Variants in PAFAH1B1 observed in about 807,000 individuals in gnomAD.
PAFAH1B1 encodes platelet-activating factor acetylhydrolase IB subunit beta.
PAFAH1B1 carries 2 observed loss-of-function variants against 57.5 expected under a neutral mutation model. The ratio of observed to expected loss-of-function variants is 0.03; its 90% CI spans 0.01 to 0.11. PAFAH1B1 has a LOEUF of 0.11. Ranked by LOEUF, PAFAH1B1 falls within the 10% of genes least tolerant of loss-of-function variation. The pLI is 1.00. For missense variants in PAFAH1B1, 257 were observed against 512.0 expected (o/e 0.50, Z 4.81); for synonymous variants, 152 against 169.6 (o/e 0.90, Z 0.81).
chr17:2,625,352 A>G (rs2068475962), intron 1 of PAFAH1B1, among the ~76,000 whole-genome samples: 1 of 152,242 alleles, frequency 6.6e-6, no homozygotes, highest in African/African-American at 2.4e-5. Flanking sequence ...CAAAAATATT[A>G]AATCTTCTTA....
At chr17:2,633,246 C>A (rs1223588177) in intron 1 of PAFAH1B1, among the ~76,000 whole-genome samples, 1 of 151,474 alleles carries the variant, frequency 6.6e-6, no homozygotes, top group African/African-American at 2.4e-5. Flanking sequence ...CAGCTCACTG[C>A]AACCTCCGTC....
chr17:2,672,248 C>T (rs1417729294), intron 6 of PAFAH1B1, among the ~76,000 whole-genome samples: 1 of 118,818 alleles, frequency 8.4e-6, no homozygotes, highest in East Asian at 2.8e-4. Context: ...TGCACCACTG[C>T]ACTTTAGCCT....
intron 1 of PAFAH1B1, among the ~76,000 whole-genome samples, chr17:2,617,986 C>T (rs564218404): frequency 6.6e-6 from 1 of 152,112 alleles, no homozygotes; most frequent in Non-Finnish European, 1.5e-5. Flanking sequence ...CGGTGGCTCA[C>T]GCCTGTAATC....
Position 2,609,071 on chromosome 17 carries a change from C to T in PAFAH1B1, c.-191+15065C>T, listed in dbSNP as rs954643475. On this transcript the variant is annotated intron_variant, in intron 1 of 10. Coordinates refer to ENST00000397195, the MANE Select transcript of PAFAH1B1 (RefSeq NM_000430.4). ...AAACTAGCTGTTTTACATAAAGTCT[C>T]TATTTTCTGGTTATCCTGAAAAATT... is the stretch of plus-strand genomic sequence containing the variant. Among the ~76,000 whole-genome samples, 3 of 152,340 alleles carry T rather than the reference C, an allele frequency of 2.0e-5. No homozygotes were observed. In the East Asian group the frequency reaches 5.8e-4, roughly 29 times the overall value.
chr17:2,624,908 A>G (rs2068469765), intron 1 of PAFAH1B1, among the ~76,000 whole-genome samples: 1 of 152,212 alleles, frequency 6.6e-6, no homozygotes, highest in African/African-American at 2.4e-5. Context: ...TTGATAATTG[A>G]TGAATTACCG....
chr17:2,594,609 C>A (rs1040575463), intron 1 of PAFAH1B1, among the ~76,000 whole-genome samples: 2 of 152,352 alleles, frequency 1.3e-5, no homozygotes, highest in African/African-American at 2.4e-5. Flanking sequence ...TCCCTGGCCC[C>A]CGGTGCGGCG....
chr17:2,629,452 A>G (rs1307792682), intron 1 of PAFAH1B1, among the ~76,000 whole-genome samples: 1 of 152,170 alleles, frequency 6.6e-6, no homozygotes, highest in East Asian at 1.9e-4. Flanking sequence ...TCGTGGTCTG[A>G]GAGAGTGCTT....
intron 1 of PAFAH1B1, among the ~76,000 whole-genome samples, chr17:2,611,749 T>C (rs1356441161): frequency 6.6e-6 from 1 of 152,222 alleles, no homozygotes; most frequent in Non-Finnish European, 1.5e-5. Flanking sequence ...CTAGGATGCC[T>C]ACAGTAGTTG....
intron 1 of PAFAH1B1, among the ~76,000 whole-genome samples, chr17:2,632,511 G>T (rs1247086899): frequency 1.3e-5 from 2 of 152,016 alleles, no homozygotes. Flanking sequence ...TTGTTTTATA[G>T]GACTTTTCAC....
At chr17:2,670,402 C>T in intron 6 of PAFAH1B1, 71 bp downstream of exon 6, 2 of 1,320,132 alleles carry the variant, frequency 1.5e-6, no homozygotes, top group Non-Finnish European at 2.2e-6. Flanking sequence ...TTGTTTCTAA[C>T]AGTGTACAGT....
intron 1 of PAFAH1B1, among the ~76,000 whole-genome samples, chr17:2,609,818 G>T (rs1281243904): frequency 1.3e-5 from 2 of 151,592 alleles, no homozygotes; most frequent in African/African-American, 2.4e-5. Context: ...CTGAAACGAA[G>T]AATATTTTAA....
At chr17:2,659,203 A>G (rs1172811995) in intron 2 of PAFAH1B1, among the ~76,000 whole-genome samples, 1 of 149,754 alleles carries the variant, frequency 6.7e-6, no homozygotes, top group Non-Finnish European at 1.5e-5. Flanking sequence ...GTGAGCCGAG[A>G]TTGCCACACT....
intron 1 of PAFAH1B1, among the ~76,000 whole-genome samples, chr17:2,619,174 G>A (rs2068386997): frequency 6.6e-6 from 1 of 151,892 alleles, no homozygotes; most frequent in African/African-American, 2.4e-5. Context: ...TTTTGAGACA[G>A]GGTCTCACTG....
At chr17:2,626,824 A>G (rs2068500251) in intron 1 of PAFAH1B1, among the ~76,000 whole-genome samples, 1 of 152,032 alleles carries the variant, frequency 6.6e-6, no homozygotes, top group Non-Finnish European at 1.5e-5. Flanking sequence ...GAGTGCTGGG[A>G]TTACAGTCGT....
At chr17:2,674,599 A>C (rs1248167738) in intron 8 of PAFAH1B1, among the ~76,000 whole-genome samples, 1 of 152,226 alleles carries the variant, frequency 6.6e-6, no homozygotes, top group Non-Finnish European at 1.5e-5. Context: ...GAGAGGTTAA[A>C]GTTTTCTGTC....
At chr17:2,668,626 C>CTA (rs1416929347) in intron 5 of PAFAH1B1, among the ~76,000 whole-genome samples, 2 of 151,960 alleles carry the variant, frequency 1.3e-5, no homozygotes, top group Non-Finnish European at 2.9e-5. Flanking sequence ...CTGCAGTGAG[C>CTA]TATGATTGAG....
Position 2,645,625 on chromosome 17 carries a change from T to A in PAFAH1B1, c.32+7305T>A, listed in dbSNP as rs1239296612. Among the ~76,000 whole-genome samples, 39 of 145,532 alleles carry A rather than the reference T, an allele frequency of 2.7e-4. No individual in the cohort carries two copies. The East Asian group carries it at 3.7e-3, about 14-fold the overall frequency. On this transcript the variant is annotated intron_variant, in intron 2 of 10. Transcript: ENST00000397195. The stretch of plus-strand genomic sequence containing the variant: ...TATATATTTATATATATATATATAT[T>A]TTTTGTTAGACGGAGTCTCGCTCTG...
chr17:2,633,592 A>G (rs191469081), intron 1 of PAFAH1B1, among the ~76,000 whole-genome samples: 323 of 152,162 alleles, frequency 2.1e-3, no homozygotes, highest in Non-Finnish European at 3.5e-3. Flanking sequence ...TACTTTTAAA[A>G]TATTTGTTTA....
chr17:2,642,189 C>G (rs1422610997), intron 2 of PAFAH1B1: 1 of 152,166 alleles, frequency 6.6e-6, no homozygotes, highest in Non-Finnish European at 1.5e-5. Context: ...AGTGAGAACT[C>G]TGACTCCCAA....
Sources: allele counts gnomAD v4.1 joint callset (sites outside exome capture counted in the v4.1 genomes callset), GRCh38; gene constraint gnomAD v4.1.1; transcripts MANE v1.5; gene names NCBI Gene and HGNC (gene_info 2026-07-23, HGNC 2026-07-21).